Variants in NCOR2 observed in about 807,000 individuals in gnomAD.
NCOR2 encodes nuclear receptor corepressor 2, also known as CTG repeat protein 26.
A neutral mutation model predicts 262.9 loss-of-function variants in NCOR2; 81 were observed. The ratio of observed to expected loss-of-function variants is 0.31; its 90% CI spans 0.26 to 0.37. The LOEUF is 0.37. Ranked by LOEUF, NCOR2 falls within the 10% of genes least tolerant of loss-of-function variation. NCOR2 has a pLI of 1.00. For synonymous variants in NCOR2, 1,659 were observed against 1,559.3 expected (o/e 1.06, Z -1.51); for missense variants, 3,385 against 3,621.4 (o/e 0.93, Z 1.68).
chr12:124,399,634 A>G (rs2041887880), intron 15 of NCOR2, among the ~76,000 whole-genome samples: 1 of 152,212 alleles, frequency 6.6e-6, no homozygotes, highest in Non-Finnish European at 1.5e-5. Flanking sequence ...AAGAAGAGAC[A>G]GGTGCATGAC....
chr12:124,490,407 CAGATGGATGGAT>C (rs148949301), intron 1 of NCOR2, among the ~76,000 whole-genome samples: 28,669 of 130,014 alleles, frequency 0.22, 3,355 homozygotes, highest in South Asian at 0.53. Flanking sequence ...AAGTATTTGC[CAGATGGATGGAT>C]GGATGGATGG....
At chr12:124,435,961 A>G (rs1239801766) in intron 8 of NCOR2, among the ~76,000 whole-genome samples, 1 of 152,204 alleles carries the variant, frequency 6.6e-6, no homozygotes, top group East Asian at 1.9e-4. Flanking sequence ...AAATGCCCTA[A>G]TGTATGGAGA....
At position 124,394,618 on chromosome 12, in the gene NCOR2, A is replaced by T. The variant is rs1275689297; in HGVS notation, c.1876+3501T>A. Reference sequence around the variant, plus strand: ...CAGGGAGAAAGGCACACAAAGACAAAGGCAGAGCCTGGAGGGATGTGGTCA... The same window carrying T: ...CAGGGAGAAAGGCACACAAAGACAATGGCAGAGCCTGGAGGGATGTGGTCA... On this transcript the variant is annotated intron_variant, in intron 16 of 46. Coordinates refer to ENST00000405201, the Ensembl canonical transcript of NCOR2. 2.0e-5 allele frequency among the ~76,000 whole-genome samples: 3 copies of T among 152,218 alleles called. No individual in the cohort carries two copies. The East Asian group carries it at 5.8e-4, about 29-fold the overall frequency.
chr12:124,325,392 C>CCCCCCGGG, exon 47 of NCOR2: 4 of 1,152,250 alleles, frequency 3.5e-6, no homozygotes, highest in Non-Finnish European at 3.3e-6. Flanking sequence ...CCCCCCCGCC[C>CCCCCCGGG]TGTTCTGAGT....
intron 13 of NCOR2, among the ~76,000 whole-genome samples, chr12:124,416,137 C>T (rs982282342): frequency 2.6e-5 from 4 of 152,098 alleles, no homozygotes; most frequent in Admixed American, 6.5e-5. Context: ...CAGTGAGCCA[C>T]AGGCCTCACC....
chr12:124,326,455 G>A (rs1419757158), intron 45 of NCOR2, 85 bp from the exon 48 acceptor site: 4 of 1,291,086 alleles, frequency 3.1e-6, no homozygotes, highest in Non-Finnish European at 3.0e-6. Flanking sequence ...GGCAGGGTGA[G>A]GTCCTGCCAT....
At chr12:124,394,378 A>AC (rs1402189405) in intron 16 of NCOR2, among the ~76,000 whole-genome samples, 1 of 152,222 alleles carries the variant, frequency 6.6e-6, no homozygotes, top group African/African-American at 2.4e-5. Context: ...CCCGGGCAGC[A>AC]CTGCCCTCAG....
intron 16 of NCOR2, among the ~76,000 whole-genome samples, chr12:124,391,874 C>A (rs960305097): frequency 1.3e-5 from 2 of 152,254 alleles, no homozygotes; most frequent in African/African-American, 4.8e-5. Context: ...CCACGTTACA[C>A]CTTTCAATGT....
intron 22 of NCOR2, among the ~76,000 whole-genome samples, chr12:124,359,264 T>C (rs971261515): frequency 6.6e-6 from 1 of 152,210 alleles, no homozygotes; most frequent in Non-Finnish European, 1.5e-5. Context: ...CCCTCTGGGT[T>C]CTGGGACAGG....
intron 3 of NCOR2, among the ~76,000 whole-genome samples, chr12:124,480,646 A>G (rs2136772181): frequency 6.6e-6 from 1 of 151,938 alleles, no homozygotes; most frequent in East Asian, 1.9e-4. Flanking sequence ...TGTGGAGGGC[A>G]CTGGAGGCGT....
rs1177631995 is a variant in NCOR2 at position 124,364,762 on chromosome 12, G to A, written c.2808-963C>T. ...AGGAACTGGATCTGCTCCAGCCTGA[G>A]AACCCTTCACCTGCCCAGTGTGGCT... is the stretch of plus-strand genomic sequence containing the variant. On this transcript the variant is annotated intron_variant, in intron 20 of 46. Coordinates refer to ENST00000405201, the Ensembl canonical transcript of NCOR2. Among the ~76,000 whole-genome samples the A allele has an allele frequency of 5.9e-5, 9 of 152,234 alleles. 1 individual carries two copies. The highest frequency in any genetic ancestry group is 1.9e-4 in the African/African-American group (8 of 41,460).
intron 31 of NCOR2, 43 bp downstream of exon 33, chr12:124,346,521 C>A (rs2272370): frequency 0.3 from 435,202 of 1,460,602 alleles, 66,951 homozygotes; most frequent in Admixed American, 0.48. Flanking sequence ...GCCACCGCCA[C>A]CCCTCCTAGA....
chr12:124,335,723 C>CG (rs1274671786), intron 38 of NCOR2, 91 bp from the exon 41 acceptor site: 33 of 1,439,460 alleles, frequency 2.3e-5, no homozygotes, highest in East Asian at 1.4e-4. Context: ...GCTGGGACCC[C>CG]GGGGGGGTCA....
At chr12:124,427,348 T>G (rs2043611092) in intron 10 of NCOR2, among the ~76,000 whole-genome samples, 1 of 152,160 alleles carries the variant, frequency 6.6e-6, no homozygotes, top group Admixed American at 6.5e-5. Flanking sequence ...GGATCTGGCC[T>G]GCCCAGCCCT....
At chr12:124,344,570 A>G in intron 32 of NCOR2, 27 bp downstream of exon 34, 1 of 1,428,658 alleles carries the variant, frequency 7.0e-7, no homozygotes, top group Non-Finnish European at 9.2e-7. Flanking sequence ...CGCCCACCCC[A>G]CTCACGCCCA....
chr12:124,482,695 C>T lies in NCOR2; in HGVS notation c.411+901G>A, dbSNP rs1021095882. Among the ~76,000 whole-genome samples, 11 of 152,138 alleles carry T rather than the reference C, an allele frequency of 7.2e-5. No individual in the cohort carries two copies. The highest frequency in any genetic ancestry group is 1.2e-4 in the African/African-American group (5 of 41,424). On this transcript the variant is annotated intron_variant, in intron 3 of 46. Transcript: ENST00000405201. The surrounding 1 kb of genome is among the most constrained non-coding windows in gnomAD (Gnocchi z 6.3). ...CCTGAGGGCAGATGGACGGAGGGCCCTGGGATAAGTGAGTGTGCCCAGGTG... is the reference window on the plus strand; with the variant it reads ...CCTGAGGGCAGATGGACGGAGGGCCTTGGGATAAGTGAGTGTGCCCAGGTG...
At position 124,517,394 on chromosome 12, in the gene NCOR2, G is replaced by C. The variant is rs1203988937; in HGVS notation, c.-118+18171C>G. ...AACTAAAGGCTCCTTGTGAGCTCGG[G>C]AAGCCCTTCCAACTTTCCAGTGTTT... On this transcript the variant is annotated intron_variant, in intron 1 of 46. Coordinates refer to the NCOR2 transcript ENST00000404621. This position sits in a 1 kb window ranked among gnomAD's most constrained non-coding sequence, Gnocchi z 7.6. 6.6e-6 allele frequency among the ~76,000 whole-genome samples: 1 copy of C among 152,190 alleles called. No individual in the cohort carries two copies. Among genetic ancestry groups the C allele is most frequent in the East Asian group, 1.9e-4 (1 of 5,192 alleles).
chr12:124,424,029 T>C (rs1372762743), intron 11 of NCOR2, among the ~76,000 whole-genome samples: 2 of 152,094 alleles, frequency 1.3e-5, no homozygotes, highest in Non-Finnish European at 2.9e-5. Flanking sequence ...AGTGGCCAAG[T>C]TGCGGCTCAC....
At chr12:124,464,565 C>T (rs1240783469) in intron 5 of NCOR2, among the ~76,000 whole-genome samples, 3 of 152,198 alleles carry the variant, frequency 2.0e-5, no homozygotes, top group Non-Finnish European at 4.4e-5. Context: ...CTACTAAATG[C>T]AAATAGTATT....
Sources: allele counts gnomAD v4.1 joint callset (sites outside exome capture counted in the v4.1 genomes callset), GRCh38; gene constraint gnomAD v4.1.1; non-coding constraint Gnocchi (gnomAD v3.1); transcripts MANE v1.5; gene names NCBI Gene and HGNC (gene_info 2026-07-23, HGNC 2026-07-21).